Variants in DOCK3 observed in about 807,000 individuals in gnomAD.
DOCK3 encodes the protein dedicator of cytokinesis 3.
A neutral mutation model predicts 265.6 loss-of-function variants in DOCK3; 60 were observed. The ratio of observed to expected loss-of-function variants is 0.23; its 90% CI spans 0.18 to 0.28. The LOEUF (loss-of-function observed/expected upper bound fraction) is 0.28. Ranked by LOEUF, DOCK3 falls within the 10% of genes least tolerant of loss-of-function variation. DOCK3 has a pLI of 1.00. For synonymous variants in DOCK3, 881 were observed against 938.0 expected (o/e 0.94, Z 1.11); for missense variants, 1,981 against 2,594.3 (o/e 0.76, Z 5.14).
At chr3:50,824,613 G>C (rs1258004648) in intron 2 of DOCK3, among the ~76,000 whole-genome samples, 1 of 152,062 alleles carries the variant, frequency 6.6e-6, no homozygotes, top group Non-Finnish European at 1.5e-5. Context: ...CCATTTCCTA[G>C]TGTACCTTTT....
chr3:50,846,811 T>C (rs1055198870), intron 3 of DOCK3, among the ~76,000 whole-genome samples: 5 of 152,182 alleles, frequency 3.3e-5, no homozygotes, highest in African/African-American at 1.2e-4. Flanking sequence ...CTTCTACGTG[T>C]TCCTAATGGT....
At chr3:50,774,263 A>G (rs1576396930) in intron 1 of DOCK3, among the ~76,000 whole-genome samples, 2 of 152,002 alleles carry the variant, frequency 1.3e-5, no homozygotes, top group Non-Finnish European at 2.9e-5. Flanking sequence ...AAAAAAGTTT[A>G]TTAGAATTTT....
At chr3:50,900,547 A>G (rs2049135126) in intron 4 of DOCK3, among the ~76,000 whole-genome samples, 1 of 152,080 alleles carries the variant, frequency 6.6e-6, no homozygotes, top group Non-Finnish European at 1.5e-5. Context: ...TTTGGAGGAG[A>G]AGAGGCATTC....
At chr3:51,098,401 A>G (rs1365614699) in intron 9 of DOCK3, among the ~76,000 whole-genome samples, 2 of 152,188 alleles carry the variant, frequency 1.3e-5, no homozygotes, top group African/African-American at 2.4e-5. Flanking sequence ...CATTCAGGAT[A>G]CCTTGCATAA....
At chr3:51,266,966 TAAAC>T (rs1289883214) in intron 23 of DOCK3, among the ~76,000 whole-genome samples, 5 of 151,974 alleles carry the variant, frequency 3.3e-5, no homozygotes, top group African/African-American at 1.2e-4. Flanking sequence ...ACAAAGAACT[TAAAC>T]AAATTTACAA....
intron 3 of DOCK3, among the ~76,000 whole-genome samples, chr3:50,873,039 C>T (rs1015001146): frequency 5.3e-5 from 8 of 152,190 alleles, no homozygotes; most frequent in East Asian, 1.9e-4. Flanking sequence ...CCCATGACCA[C>T]GCTGGTTCCT....
chr3:51,129,023 C>T (rs186515933), intron 9 of DOCK3, among the ~76,000 whole-genome samples: 125 of 152,354 alleles, frequency 8.2e-4, no homozygotes, highest in African/African-American at 3.0e-3. Flanking sequence ...TTTCTGACTA[C>T]TCAGAGAGGT....
At chr3:51,241,589 T>G (rs905585697) in intron 21 of DOCK3, among the ~76,000 whole-genome samples, 3 of 152,222 alleles carry the variant, frequency 2.0e-5, no homozygotes, top group African/African-American at 7.2e-5. Flanking sequence ...CTTTACATAA[T>G]CCCATATTCC....
At chr3:50,762,705 A>T (rs2040607048) in intron 1 of DOCK3, among the ~76,000 whole-genome samples, 1 of 151,930 alleles carries the variant, frequency 6.6e-6, no homozygotes, top group Non-Finnish European at 1.5e-5. Context: ...TTGTAGTCCT[A>T]ATATTCTGAG....
chr3:50,947,230 ATTTAT>A (rs1305805811), intron 5 of DOCK3, among the ~76,000 whole-genome samples: 4 of 152,094 alleles, frequency 2.6e-5, no homozygotes, highest in East Asian at 1.9e-4. Context: ...TCAAAATGTG[ATTTAT>A]TTTAATTTTG....
intron 9 of DOCK3, among the ~76,000 whole-genome samples, chr3:51,121,229 C>T (rs574870885): frequency 2.0e-5 from 3 of 152,236 alleles, no homozygotes; most frequent in South Asian, 4.1e-4. Flanking sequence ...CTCATGGCTT[C>T]CCTTAGCTAG....
intron 23 of DOCK3, among the ~76,000 whole-genome samples, chr3:51,269,763 C>T (rs892233875): frequency 2.0e-5 from 3 of 152,160 alleles, no homozygotes; most frequent in African/African-American, 7.2e-5. Context: ...TCCACTTAGA[C>T]AAGAGAAAAT....
intron 23 of DOCK3, among the ~76,000 whole-genome samples, chr3:51,263,577 C>T (rs561675881): frequency 1.3e-5 from 2 of 152,288 alleles, no homozygotes; most frequent in East Asian, 1.9e-4. Flanking sequence ...ACTATATTAA[C>T]CTTAAATGTA....
At chr3:51,288,953 C>T (rs577917292) in intron 27 of DOCK3, among the ~76,000 whole-genome samples, 4 of 149,658 alleles carry the variant, frequency 2.7e-5, no homozygotes, top group South Asian at 2.1e-4. Flanking sequence ...TAAAGTAAAT[C>T]GGTGGAGGAA....
rs999109700 is a variant in DOCK3, at chr3:50,789,559, G to A, written c.121+10801G>A. Among the ~76,000 whole-genome samples, 14 of 152,270 alleles carry A rather than the reference G, an allele frequency of 9.2e-5. 1 individual carries two copies. Among genetic ancestry groups the A allele is most frequent in the South Asian group, 6.2e-4 (3 of 4,818 alleles). On this transcript the variant is annotated intron_variant, in intron 2 of 52. Coordinates refer to ENST00000266037, the MANE Select transcript of DOCK3 (RefSeq NM_004947.5). Reference sequence around the variant, plus strand: ...TCTTTCTGTCTTGATAACCTGTCCAGTGCTGTCAGTGGATTATTGAAGTCC... The same window carrying A: ...TCTTTCTGTCTTGATAACCTGTCCAATGCTGTCAGTGGATTATTGAAGTCC...
At chr3:51,371,466 G>A (rs2087671617) in intron 49 of DOCK3, among the ~76,000 whole-genome samples, 1 of 152,232 alleles carries the variant, frequency 6.6e-6, no homozygotes. Flanking sequence ...ATCAAGCACA[G>A]TGTTAGGCCC....
intron 5 of DOCK3, among the ~76,000 whole-genome samples, chr3:51,011,900 G>C (rs992410561): frequency 3.9e-5 from 6 of 152,204 alleles, no homozygotes; most frequent in African/African-American, 1.2e-4. Flanking sequence ...TCCAGATCCT[G>C]TTTGTCTGGG....
chr3:51,313,212 A>G (rs191746532), intron 31 of DOCK3, among the ~76,000 whole-genome samples: 14 of 152,376 alleles, frequency 9.2e-5, no homozygotes, highest in African/African-American at 2.2e-4. Flanking sequence ...ACCCATTCCT[A>G]TAAGATCCTC....
intron 4 of DOCK3, among the ~76,000 whole-genome samples, chr3:50,918,729 T>TA (rs2050269494): frequency 6.6e-6 from 1 of 152,226 alleles, no homozygotes; most frequent in Non-Finnish European, 1.5e-5. Context: ...ACTCTGATGG[T>TA]AGTTTCTTTT....
Sources: allele counts gnomAD v4.1 joint callset (sites outside exome capture counted in the v4.1 genomes callset), GRCh38; gene constraint gnomAD v4.1.1; transcripts MANE v1.5; gene names NCBI Gene and HGNC (gene_info 2026-07-23, HGNC 2026-07-21).